LTN1: variants seen among roughly 807,000 people sequenced by gnomAD.
LTN1 encodes E3 ubiquitin-protein ligase listerin.
LTN1 carries 88 observed loss-of-function variants against 201.2 expected under a neutral mutation model. That is an observed-to-expected ratio of 0.44 (90% CI 0.37 to 0.52). The LOEUF (loss-of-function observed/expected upper bound fraction) is 0.52, where lower values mean the gene tolerates loss of function less well. Ranked by LOEUF, LTN1 falls within the 20% of genes least tolerant of loss-of-function variation. The probability of loss-of-function intolerance (pLI) is 0.00; values close to 1 mark genes in which losing one functional copy is unlikely to be tolerated. For synonymous variants in LTN1, 645 were observed against 713.5 expected (o/e 0.90, Z 1.53); for missense variants, 1,752 against 2,038.7 (o/e 0.86, Z 2.71).
intron 21 of LTN1, among the ~76,000 whole-genome samples, chr21:28,944,799 T>C (rs1271803072): frequency 1.3e-5 from 2 of 152,246 alleles, no homozygotes; most frequent in Admixed American, 1.3e-4. Flanking sequence ...ATAGAATCAT[T>C]AATAAACAAT....
chr21:28,969,066 C>T (rs912559131), intron 9 of LTN1, among the ~76,000 whole-genome samples: 1 of 151,408 alleles, frequency 6.6e-6, no homozygotes, highest in African/African-American at 2.4e-5. Context: ...ACTAAAAATA[C>T]AAAAATTAGC....
Position 28,986,859 on chromosome 21 carries a change from T to C in LTN1, c.118A>G (p.Thr40Ala). 6.2e-7 allele frequency: 1 copy of C among 1,614,140 alleles called. No homozygotes were observed. Among genetic ancestry groups the C allele is most frequent in the African/African-American group, 1.3e-5 (1 of 75,054 alleles). Reference protein sequence around the residue: ...GTVPGFIGFGTSQSDLGYVPA... With the variant: ...GTVPGFIGFGASQSDLGYVPA... Reference sequence around the variant, plus strand: ...ACATAGCCTAGGTCACTCTGAGATGTTCCAAAACCAATAAATCCAGGCACT... The same window carrying C: ...ACATAGCCTAGGTCACTCTGAGATGCTCCAAAACCAATAAATCCAGGCACT... The change falls in exon 2 of 30, where the codon ACA becomes GCA. Residue 40 changes from threonine to alanine, a missense_variant. Thr to Ala is a moderately conservative substitution (Grantham distance 58). Transcript: ENST00000361371. The surrounding 1 kb of genome is among the most constrained non-coding windows in gnomAD (Gnocchi z 4.1).
Position 28,986,159 on chromosome 21 carries a change from T to C in LTN1, c.325A>G (p.Ile109Val), listed in dbSNP as rs1220638669. 1 of 1,611,654 alleles carries C rather than the reference T, an allele frequency of 6.2e-7. No homozygotes were observed. Among genetic ancestry groups the C allele is most frequent in the East Asian group, 2.2e-5 (1 of 44,814 alleles). ...VKGVLPYWPR[I>V]FCKISLDHDR... is the part of the protein sequence containing the mutation. ...CTTACAAGTGAAATTTTGCAAAAAATTCTTGGCCAATATGGAAGAACTCCT... is the reference window on the plus strand; with the variant it reads ...CTTACAAGTGAAATTTTGCAAAAAACTCTTGGCCAATATGGAAGAACTCCT... The change falls in exon 3 of 30, where the codon ATT (isoleucine) becomes GTT (valine). Residue 109 changes from isoleucine (I) to valine (V), a missense_variant. Physicochemically the swap from Ile to Val is conservative, Grantham distance 29. Transcript: ENST00000361371. The surrounding 1 kb of genome is among the most constrained non-coding windows in gnomAD (Gnocchi z 4.1).
At chr21:28,932,325 T>C (rs2084216974) in intron 28 of LTN1, 145 bp downstream of exon 28, 1 of 717,272 alleles carries the variant, frequency 1.4e-6, no homozygotes, top group Non-Finnish European at 2.4e-6. Context: ...GTTTAATCCA[T>C]TTAGGCATAT....
intron 4 of LTN1, among the ~76,000 whole-genome samples, chr21:28,983,764 A>C (rs1474092544): frequency 6.6e-6 from 1 of 152,264 alleles, no homozygotes; most frequent in Non-Finnish European, 1.5e-5. Context: ...GTGGAAACAC[A>C]GGAGTACTAA....
At position 28,930,196 on chromosome 21, in the gene LTN1, C is replaced by T; in HGVS notation, c.*252G>A. ...TTTTTAAATATACAAAGAAATTAAACCATTAATAGAAATATTTTCTCTCAA... is the reference window on the plus strand; with the variant it reads ...TTTTTAAATATACAAAGAAATTAAATCATTAATAGAAATATTTTCTCTCAA... On this transcript the variant is annotated 3_prime_UTR_variant, in exon 30 of 30. Transcript: ENST00000361371. 1 of 325,706 alleles carries T rather than the reference C, an allele frequency of 3.1e-6. No individual in the cohort carries two copies. The highest frequency in any genetic ancestry group is 5.5e-6 in the Non-Finnish European group (1 of 181,674). 20.2% of individuals were successfully genotyped at this position (325,706 alleles called of 1,614,324 possible). A position where few individuals can be genotyped will look rare whatever the true frequency, so the allele number is the denominator to read the frequency against.
chr21:28,932,433 C>G (rs935483727), intron 28 of LTN1, 37 bp downstream of exon 28: 1 of 1,538,120 alleles, frequency 6.5e-7, no homozygotes, highest in Admixed American at 1.8e-5. Flanking sequence ...TCATCTTTTC[C>G]AAGTTTGTAA....
At chr21:28,955,539 TGA>T (rs966915536) in intron 16 of LTN1, among the ~76,000 whole-genome samples, 1 of 152,076 alleles carries the variant, frequency 6.6e-6, no homozygotes, top group African/African-American at 2.4e-5. Context: ...TCACAATAGC[TGA>T]GATATGAAAT....
chr21:28,957,538 A>G lies in LTN1; in HGVS notation c.2748-62T>C, dbSNP rs949077646. ...CGCTATGACTAGTTTGAATACCCCA[A>G]TACATATTAAATACCCTATAATAGC... On this transcript the variant is annotated intron_variant, in intron 14 of 29. Transcript: ENST00000361371. 6 of 1,166,724 alleles carry G rather than the reference A, an allele frequency of 5.1e-6. No individual in the cohort carries two copies. In the African/African-American group the frequency reaches 9.4e-5, roughly 18 times the overall value. 72.3% of individuals were successfully genotyped at this position (1,166,724 alleles called of 1,614,324 possible).
chr21:28,936,444 T>G, intron 26 of LTN1, 82 bp downstream of exon 26: 9 of 1,183,628 alleles, frequency 7.6e-6, no homozygotes, highest in Non-Finnish European at 8.2e-6. Context: ...GGGGTTATTC[T>G]CCACATTCTC....
chr21:28,937,284 G>A (rs182933774), intron 25 of LTN1, among the ~76,000 whole-genome samples: 2 of 152,192 alleles, frequency 1.3e-5, no homozygotes, highest in African/African-American at 4.8e-5. Context: ...TTTCCACATT[G>A]ACTTTGCAGT....
At chr21:28,940,456 T>G (rs776582802) in intron 25 of LTN1, among the ~76,000 whole-genome samples, 1 of 152,204 alleles carries the variant, frequency 6.6e-6, no homozygotes, top group Non-Finnish European at 1.5e-5. Context: ...TTTGAATTAT[T>G]ACATAGGTAA....
Position 28,986,801 on chromosome 21 carries a change from C to T in LTN1, c.176G>A (p.Ser59Asn). 1 of 1,614,034 alleles carries T rather than the reference C, an allele frequency of 6.2e-7. No homozygotes were observed. Among genetic ancestry groups the T allele is most frequent in the Non-Finnish European group, 8.5e-7 (1 of 1,179,884 alleles). The change falls in exon 2 of 30, where the codon AGT becomes AAT. Residue 59 changes from serine to asparagine, a missense_variant. Physicochemically the swap from Ser to Asn is conservative, Grantham distance 46. Around this residue, in one of 3 missense-constraint regions of LTN1, gnomAD observed 280 missense variants for 375.7 expected, o/e 0.75. Coordinates refer to ENST00000361371, the MANE Select transcript of LTN1 (RefSeq NM_015565.3). This position sits in a 1 kb window ranked among gnomAD's most constrained non-coding sequence, Gnocchi z 4.1. ...PAIQGAEEID[S>N]LVDSDFRMVL... is the part of the protein sequence containing the mutation. Reference sequence around the variant, plus strand: ...CATTCGGAAATCAGAATCTACAAGACTGTCAATTTCTTCAGCTCCTTGAAT... The same window carrying T: ...CATTCGGAAATCAGAATCTACAAGATTGTCAATTTCTTCAGCTCCTTGAAT...
chr21:28,931,876 T>G (rs1054712971), intron 28 of LTN1, among the ~76,000 whole-genome samples: 2 of 151,970 alleles, frequency 1.3e-5, no homozygotes, highest in Non-Finnish European at 2.9e-5. Context: ...TGGTGGCGGG[T>G]GCCTGTAATC....
intron 16 of LTN1, among the ~76,000 whole-genome samples, chr21:28,954,972 A>G (rs73190139): frequency 0.073 from 11,117 of 152,290 alleles, 567 homozygotes; most frequent in Non-Finnish European, 0.11. Flanking sequence ...AGCAAAAGAA[A>G]CAATCAACAA....
In LTN1 at chr21:28,928,789, T is replaced by A. The variant is rs1397803447; in HGVS notation, c.*1659A>T. 6.6e-6 allele frequency: 1 copy of A among 152,236 alleles called. No individual in the cohort carries two copies. The highest frequency in any genetic ancestry group is 2.4e-5 in the African/African-American group (1 of 41,408). 9.4% of individuals were successfully genotyped at this position (152,236 alleles called of 1,614,324 possible). On this transcript the variant is annotated 3_prime_UTR_variant, in exon 30 of 30. Transcript: ENST00000361371. ...ATTCCATTTTCTTTTCTGCTTGGGG[T>A]TTGGGCCAGAAGCCAAGATGTACCA...
At position 28,947,030 on chromosome 21, in the gene LTN1, G is replaced by A. The variant is rs191551618; in HGVS notation, c.3487+434C>T. ...ACATAGCACATCTTTTTGCTACATCGGTTATCACATAATACAACTTTATGT... is the reference window on the plus strand; with the variant it reads ...ACATAGCACATCTTTTTGCTACATCAGTTATCACATAATACAACTTTATGT... On this transcript the variant is annotated intron_variant, in intron 19 of 29. Transcript: ENST00000361371. Among the ~76,000 whole-genome samples the A allele has an allele frequency of 2.5e-3, 386 of 152,136 alleles. 1 individual carries two copies. The highest frequency in any genetic ancestry group is 3.7e-3 in the Non-Finnish European group (254 of 67,988).
In LTN1 at chr21:28,956,751, T is replaced by A. The variant is rs1324799747; in HGVS notation, c.3079+11A>T. The A allele has an allele frequency of 6.7e-7, 1 of 1,489,306 alleles. No individual in the cohort carries two copies. Among genetic ancestry groups the A allele is most frequent in the Non-Finnish European group, 9.2e-7 (1 of 1,081,498 alleles). 92.3% of individuals were successfully genotyped at this position (1,489,306 alleles called of 1,614,324 possible). On this transcript the variant is annotated intron_variant, in intron 16 of 29. Transcript: ENST00000361371. ...GCATTATGTTATATGTAAATACTCA[T>A]ATATACTTACTTATTTTCTCAAGCT...
Position 28,964,363 on chromosome 21 carries a change from T to A in LTN1, c.2163+1502A>T, listed in dbSNP as rs373098193. On this transcript the variant is annotated intron_variant, in intron 11 of 29. Coordinates refer to ENST00000361371, the MANE Select transcript of LTN1 (RefSeq NM_015565.3). ...ATGAACATTGAGGCAAGACTCTCCA[T>A]CAGCAAAATGATTACAACTCGCTGA... Among the ~76,000 whole-genome samples the A allele has an allele frequency of 6.6e-5, 10 of 152,198 alleles. No homozygotes were observed. The East Asian group carries it at 1.5e-3, about 23-fold the overall frequency.
Sources: allele counts gnomAD v4.1 joint callset (sites outside exome capture counted in the v4.1 genomes callset), GRCh38; gene constraint gnomAD v4.1.1; regional missense constraint gnomAD v4.1.1; non-coding constraint Gnocchi (gnomAD v3.1); transcripts MANE v1.5; gene names NCBI Gene and HGNC (gene_info 2026-07-23, HGNC 2026-07-21).